Variants in CNN3 observed in about 807,000 individuals in gnomAD.
CNN3 encodes the protein calponin-3.
Under a neutral mutation model 39.0 loss-of-function variants are expected in CNN3, and 11 were observed. That is an observed-to-expected ratio of 0.28 (90% CI 0.18 to 0.47). The LOEUF (loss-of-function observed/expected upper bound fraction) is 0.47. Among genes scored for constraint, CNN3 ranks in the 20% least tolerant of loss-of-function variants. CNN3 has a pLI of 0.99. For missense variants in CNN3, 266 were observed against 403.4 expected (o/e 0.66, Z 2.92); for synonymous variants, 101 against 138.3 (o/e 0.73, Z 1.89).
rs1670750946 is a variant in CNN3, at chr1:94,897,380, A to AG, written c.*361_*362insC. ...CAGATACACTAAACTGTAAAAAAAA[A>AG]AAAAAAAAAAAAAAGTTTCCTATTG... On this transcript the variant is annotated 3_prime_UTR_variant, in exon 7 of 7. Coordinates refer to ENST00000370206, the MANE Select transcript of CNN3 (RefSeq NM_001839.5). 6.1e-6 allele frequency: 1 copy of AG among 165,024 alleles called. No individual in the cohort carries two copies. The highest frequency in any genetic ancestry group is 2.4e-5 in the African/African-American group (1 of 41,658). 10.2% of individuals were successfully genotyped at this position (165,024 alleles called of 1,614,324 possible).
intron 1 of CNN3, among the ~76,000 whole-genome samples, chr1:94,913,707 A>AT (rs1671219722): frequency 3.3e-5 from 5 of 152,134 alleles, no homozygotes; most frequent in African/African-American, 1.2e-4. Context: ...AGTTTAGGAG[A>AT]GGCAGGTTAG....
chr1:94,919,754 A>G (rs1177647443), intron 1 of CNN3, among the ~76,000 whole-genome samples: 1 of 152,196 alleles, frequency 6.6e-6, no homozygotes, highest in African/African-American at 2.4e-5. Context: ...GACCCAGAAG[A>G]GTCCTTCCAA....
chr1:94,906,696 A>G (rs1571522016), intron 1 of CNN3, among the ~76,000 whole-genome samples: 1 of 152,206 alleles, frequency 6.6e-6, no homozygotes, highest in East Asian at 1.9e-4. Context: ...CTATCTACAC[A>G]ATTTGGTCAA....
At chr1:94,903,548 TAGA>T (rs1557908926) in intron 1 of CNN3, 24 bp from the exon 2 acceptor site, 1 of 1,613,226 alleles carries the variant, frequency 6.2e-7, no homozygotes, top group Non-Finnish European at 8.5e-7. Flanking sequence ...TAACTCACTT[TAGA>T]AGAATTTCAC....
rs1162909197 is a variant in CNN3, at chr1:94,902,184, A to G, written c.321T>C (p.Asn107=). 7.4e-6 allele frequency: 12 copies of G among 1,613,500 alleles called. No homozygotes were observed. The highest frequency in any genetic ancestry group is 1.0e-5 in the Non-Finnish European group (12 of 1,179,484). The change falls in exon 4 of 7, where the codon AAT becomes AAC. Residue 107 remains asparagine (N), a synonymous_variant. Transcript: ENST00000370206. ...GMKPHDIFEA[N]DLFENGNMTQ... is the part of the protein sequence containing the mutation. ...TCATGTTTCCATTCTCAAAAAGATC[A>G]TTTGCTTCGAATATGTCATGTGGCT...
intron 1 of CNN3, among the ~76,000 whole-genome samples, chr1:94,918,627 C>G (rs773304154): frequency 6.6e-6 from 1 of 151,956 alleles, no homozygotes; most frequent in Non-Finnish European, 1.5e-5. Flanking sequence ...GGTGCGGTGG[C>G]TCACACCTGT....
At chr1:94,904,931 G>A (rs1670957828) in intron 1 of CNN3, among the ~76,000 whole-genome samples, 1 of 152,164 alleles carries the variant, frequency 6.6e-6, no homozygotes, top group Admixed American at 6.5e-5. Context: ...TGTCTGCTGT[G>A]TCCATAAGAC....
rs751388538 is a variant in CNN3 at position 94,918,501 on chromosome 1, ATAAAAT to A, written c.57+8331_57+8336del. Among the ~76,000 whole-genome samples, 21 of 92,910 alleles carry A rather than the reference ATAAAAT, an allele frequency of 2.3e-4. 7 individuals are homozygous for A. The highest frequency in any genetic ancestry group is 2.8e-4 in the Non-Finnish European group (14 of 49,678). 61.0% of individuals were successfully genotyped at this position (92,910 alleles called of 152,430 possible). On this transcript the variant is annotated intron_variant, in intron 1 of 6. Transcript: ENST00000370206. ...AAAGTGAGACTGTCTCCCAAAAAAA[ATAAAAT>A]AAAAAAAAAAAAAGTCGGCAAGGGG... is the stretch of plus-strand genomic sequence containing the variant.
chr1:94,919,455 CTACACA>C (rs1671383892), intron 1 of CNN3, among the ~76,000 whole-genome samples: 1 of 152,196 alleles, frequency 6.6e-6, no homozygotes, highest in African/African-American at 2.4e-5. Context: ...CAGAGACTTG[CTACACA>C]TGGTATTGAT....
chr1:94,917,247 G>A (rs910190353), intron 1 of CNN3, among the ~76,000 whole-genome samples: 15 of 152,182 alleles, frequency 9.9e-5, no homozygotes, highest in Non-Finnish European at 1.9e-4. Context: ...TGTTGGTCAG[G>A]CTGGTCTCGA....
chr1:94,902,087 ATC>A (rs1447723042), intron 4 of CNN3, 32 bp downstream of exon 4: 13 of 1,571,080 alleles, frequency 8.3e-6, no homozygotes, highest in Non-Finnish European at 1.1e-5. Context: ...TGTGGTGGGA[ATC>A]TGTTAACCAG....
intron 3 of CNN3, among the ~76,000 whole-genome samples, chr1:94,902,712 T>C (rs1337609817): frequency 6.6e-6 from 1 of 152,218 alleles, no homozygotes; most frequent in Non-Finnish European, 1.5e-5. Context: ...GTATCCCATT[T>C]TCCTTCCTCA....
At chr1:94,904,673 C>A (rs859053) in intron 1 of CNN3, among the ~76,000 whole-genome samples, 2 of 151,958 alleles carry the variant, frequency 1.3e-5, no homozygotes, top group African/African-American at 4.8e-5. Context: ...CTTGAGCCCA[C>A]GAGATCGAGG....
chr1:94,920,386 G>T (rs1185887813), intron 1 of CNN3, among the ~76,000 whole-genome samples: 1 of 152,140 alleles, frequency 6.6e-6, no homozygotes, highest in Non-Finnish European at 1.5e-5. Flanking sequence ...ATTCGTGAAT[G>T]AATATTAAAG....
At chr1:94,916,807 G>C (rs1671288130) in intron 1 of CNN3, among the ~76,000 whole-genome samples, 2 of 152,188 alleles carry the variant, frequency 1.3e-5, no homozygotes, top group South Asian at 4.1e-4. Flanking sequence ...ACTTACATCA[G>C]AAGGTTACTG....
Position 94,926,712 on chromosome 1 carries a change from C to T in CNN3, c.57+126G>A. ...CCGGGACAGGCAGAGACGCTCGCGC[C>T]GCCTCGACGGCCCCTCTCCAGGAAA... On this transcript the variant is annotated intron_variant, in intron 1 of 6. Transcript: ENST00000370206. The surrounding 1 kb of genome is among the most constrained non-coding windows in gnomAD (Gnocchi z 4.2). The T allele has an allele frequency of 9.2e-7, 1 of 1,085,282 alleles. No homozygotes were observed. Among genetic ancestry groups the T allele is most frequent in the Non-Finnish European group, 1.4e-6 (1 of 737,710 alleles). The allele number at this position is 1,085,282 out of a possible 1,614,324, so 67.2% of individuals were successfully genotyped here.
chr1:94,907,602 T>C (rs531154688), intron 1 of CNN3, among the ~76,000 whole-genome samples: 1 of 152,356 alleles, frequency 6.6e-6, no homozygotes, highest in East Asian at 1.9e-4. Flanking sequence ...GGCTCACGCC[T>C]GTAATCCCAG....
intron 5 of CNN3, among the ~76,000 whole-genome samples, chr1:94,900,299 G>A (rs1042077810): frequency 1.3e-5 from 2 of 152,062 alleles, no homozygotes; most frequent in South Asian, 2.1e-4. Flanking sequence ...AAGGAGGGGG[G>A]AAAAATCATT....
At chr1:94,900,149 C>CCAT (rs1410462444) in intron 5 of CNN3, among the ~76,000 whole-genome samples, 1 of 152,062 alleles carries the variant, frequency 6.6e-6, no homozygotes, top group African/African-American at 2.4e-5. Context: ...TCAGGACCAA[C>CCAT]CATTACACCC....
Sources: gnomAD v4.1 joint callset for allele counts (sites outside exome capture counted in the v4.1 genomes callset) on GRCh38, gnomAD v4.1.1 for gene constraint, Gnocchi (gnomAD v3.1) non-coding constraint, MANE v1.5 for transcripts, NCBI Gene and HGNC (gene_info 2026-07-23, HGNC 2026-07-21) for gene names.